ACOXL: variants seen among roughly 807,000 people sequenced by gnomAD.
The protein encoded by ACOXL is acyl-CoA oxidase like, also known as acyl-coenzyme A oxidase-like protein.
A neutral mutation model predicts 71.9 loss-of-function variants in ACOXL; 70 were observed. The observed-to-expected ratio is 0.97, with a 90% confidence interval of 0.80 to 1.19. The LOEUF is 1.19. Among genes scored for constraint, ACOXL ranks in the 50% most tolerant of loss-of-function variants. The probability of loss-of-function intolerance (pLI) is 0.00; values close to 1 mark genes in which losing one functional copy is unlikely to be tolerated. For missense variants in ACOXL, 703 were observed against 736.3 expected, an observed-to-expected ratio of 0.95 and a Z score of 0.52; for synonymous variants, 253 against 281.6, an observed-to-expected ratio of 0.90 and a Z score of 1.02.
At chr2:110,960,196 G>A in intron 12 of ACOXL, among the ~76,000 whole-genome samples, 1 of 152,174 alleles carries the variant, frequency 6.6e-6, no homozygotes, top group Non-Finnish European at 1.5e-5. Context: ...CACGGAAGTG[G>A]GCAAGCAGCC....
At chr2:110,963,751 C>T in intron 12 of ACOXL, 1 of 1,611,208 alleles carries the variant, frequency 6.2e-7, no homozygotes, top group Non-Finnish European at 8.5e-7. Context: ...CAAGAGTTAT[C>T]CAGAAGTCTG....
chr2:110,924,161 A>G (rs968687281), intron 11 of ACOXL, among the ~76,000 whole-genome samples: 1 of 152,208 alleles, frequency 6.6e-6, no homozygotes. Flanking sequence ...TGTTAAAAAT[A>G]CTTTATGCTA....
chr2:110,900,086 TACAC>T (rs60758688), intron 10 of ACOXL, among the ~76,000 whole-genome samples: 9,862 of 143,146 alleles, frequency 0.069, 378 homozygotes, highest in African/African-American at 0.1. Flanking sequence ...CACACACACA[TACAC>T]ACACACACAC....
At chr2:110,946,202 T>C (rs1395912127) in intron 12 of ACOXL, among the ~76,000 whole-genome samples, 1 of 152,244 alleles carries the variant, frequency 6.6e-6, no homozygotes, top group East Asian at 1.9e-4. Context: ...TGCTGGTGTA[T>C]AGATGCTACT....
intron 10 of ACOXL, among the ~76,000 whole-genome samples, chr2:110,907,914 G>T (rs888540346): frequency 6.6e-6 from 1 of 152,218 alleles, no homozygotes; most frequent in Non-Finnish European, 1.5e-5. Context: ...CCATTGGTGT[G>T]TGAAGCAAAG....
chr2:110,788,512 G>T (rs986938157), intron 3 of ACOXL, among the ~76,000 whole-genome samples: 7 of 152,152 alleles, frequency 4.6e-5, no homozygotes, highest in Non-Finnish European at 1.0e-4. Flanking sequence ...TGCTTAATGG[G>T]TACAGAGTTT....
intron 15 of ACOXL, among the ~76,000 whole-genome samples, chr2:111,038,447 A>C (rs1371607018): frequency 6.6e-6 from 1 of 152,238 alleles, no homozygotes; most frequent in Non-Finnish European, 1.5e-5. Context: ...CTCTGTGATC[A>C]AAAAATTGTA....
At chr2:111,023,529 G>C (rs1001038528) in intron 14 of ACOXL, among the ~76,000 whole-genome samples, 10 of 152,196 alleles carry the variant, frequency 6.6e-5, no homozygotes, top group African/African-American at 2.4e-4. Context: ...GCATGAGGAA[G>C]GGGCCATCTG....
chr2:111,097,083 G>A (rs951444201), intron 17 of ACOXL, among the ~76,000 whole-genome samples: 11 of 152,136 alleles, frequency 7.2e-5, no homozygotes, highest in African/African-American at 2.7e-4. Flanking sequence ...AACACCTTCA[G>A]GGAAAATGCA....
chr2:110,963,545 G>T, intron 12 of ACOXL: 2 of 1,545,260 alleles, frequency 1.3e-6, no homozygotes, highest in Non-Finnish European at 1.8e-6. Flanking sequence ...CCTATGTAGT[G>T]ATGGGATCGC....
chr2:110,832,924 C>T (rs191924283), intron 9 of ACOXL, among the ~76,000 whole-genome samples: 20 of 152,262 alleles, frequency 1.3e-4, no homozygotes, highest in Admixed American at 1.0e-3. Flanking sequence ...AAAGTGATAG[C>T]GCCAAATGCT....
chr2:110,943,403 AC>A (rs1354886782), intron 12 of ACOXL, among the ~76,000 whole-genome samples: 1 of 152,080 alleles, frequency 6.6e-6, no homozygotes, highest in Non-Finnish European at 1.5e-5. Context: ...AATTGGGTGG[AC>A]CCAAATCCCA....
intron 10 of ACOXL, among the ~76,000 whole-genome samples, chr2:110,855,794 G>A (rs984043541): frequency 1.3e-5 from 2 of 152,174 alleles, no homozygotes; most frequent in African/African-American, 4.8e-5. Context: ...GCGGACCTTC[G>A]CAGTGAGTGT....
At chr2:110,885,491 T>A (rs112599779) in intron 10 of ACOXL, among the ~76,000 whole-genome samples, 2,716 of 152,244 alleles carry the variant, frequency 0.018, 89 homozygotes, top group African/African-American at 0.062. Flanking sequence ...TATTATTATT[T>A]TTTTACAATT....
chr2:110,972,649 GCACACACACA>G (rs56400982), intron 12 of ACOXL, among the ~76,000 whole-genome samples: 19 of 150,032 alleles, frequency 1.3e-4, no homozygotes, highest in Admixed American at 6.6e-4. Context: ...ACACACACGT[GCACACACACA>G]CACACACACA....
At chr2:110,992,570 C>T (rs1040852391) in intron 13 of ACOXL, among the ~76,000 whole-genome samples, 2 of 152,216 alleles carry the variant, frequency 1.3e-5, no homozygotes, top group Non-Finnish European at 2.9e-5. Flanking sequence ...TTTGTCCGCA[C>T]AGTAACTACC....
intron 9 of ACOXL, among the ~76,000 whole-genome samples, chr2:110,836,210 G>A (rs1339506269): frequency 6.6e-6 from 1 of 152,146 alleles, no homozygotes; most frequent in Non-Finnish European, 1.5e-5. Flanking sequence ...GGGGCTGTTG[G>A]GGGTAGTGTG....
At chr2:110,764,614 A>G (rs1374273911) in intron 1 of ACOXL, among the ~76,000 whole-genome samples, 1 of 152,210 alleles carries the variant, frequency 6.6e-6, no homozygotes, top group Non-Finnish European at 1.5e-5. Flanking sequence ...AGAATGTACA[A>G]TTCCAAGAAT....
chr2:110,857,828 C>T (rs1483474623), intron 10 of ACOXL, among the ~76,000 whole-genome samples: 1 of 152,116 alleles, frequency 6.6e-6, no homozygotes. Flanking sequence ...CAGGCTCAAG[C>T]CATCCTCTCA....
Sources: allele counts gnomAD v4.1 joint callset (sites outside exome capture counted in the v4.1 genomes callset), GRCh38; gene constraint gnomAD v4.1.1; transcripts MANE v1.5; gene names NCBI Gene and HGNC (gene_info 2026-07-23, HGNC 2026-07-21).